Variants in CTNND2 observed in about 807,000 individuals in gnomAD.
CTNND2 encodes the protein catenin delta 2.
A neutral mutation model predicts 144.4 loss-of-function variants in CTNND2; 22 were observed. The ratio of observed to expected loss-of-function variants is 0.15; its 90% CI spans 0.11 to 0.22. The LOEUF (loss-of-function observed/expected upper bound fraction) is 0.22. Ranked by LOEUF, CTNND2 falls within the 10% of genes least tolerant of loss-of-function variation. The pLI, the probability that CTNND2 is intolerant of heterozygous loss-of-function variation, is 1.00. For missense variants in CTNND2, 1,353 were observed against 1,618.8 expected (o/e 0.84, Z 2.82); for synonymous variants, 751 against 695.6 (o/e 1.08, Z -1.25).
chr5:11,628,774 CA>C (rs879808880), intron 2 of CTNND2, among the ~76,000 whole-genome samples: 61 of 140,162 alleles, frequency 4.4e-4, no homozygotes, highest in Middle Eastern at 3.6e-3. Flanking sequence ...GGAAAGTGTC[CA>C]AAAAAAAAAA....
intron 2 of CTNND2, among the ~76,000 whole-genome samples, chr5:11,690,454 A>G (rs1784846155): frequency 3.3e-5 from 5 of 152,166 alleles, no homozygotes; most frequent in Admixed American, 3.3e-4. Flanking sequence ...TTCACCTACG[A>G]TATTAGAGGC....
intron 10 of CTNND2, among the ~76,000 whole-genome samples, chr5:11,206,243 G>T (rs981479930): frequency 6.6e-6 from 1 of 152,130 alleles, no homozygotes; most frequent in Non-Finnish European, 1.5e-5. Context: ...ACTGTGAGAC[G>T]AGCAGTGAAG....
chr5:11,094,480 C>CT (rs35048441), intron 15 of CTNND2, among the ~76,000 whole-genome samples: 10,129 of 127,828 alleles, frequency 0.079, 522 homozygotes, highest in Non-Finnish European at 0.099. Flanking sequence ...AGAGTTCTTG[C>CT]TTTTTTTTTT....
intron 1 of CTNND2, among the ~76,000 whole-genome samples, chr5:11,880,471 C>T (rs1056160156): frequency 4.0e-5 from 6 of 149,656 alleles, no homozygotes; most frequent in East Asian, 2.0e-4. Flanking sequence ...AAAGGCTCAA[C>T]TACTACTACA....
chr5:11,273,593 C>T (rs1746236333), intron 9 of CTNND2, among the ~76,000 whole-genome samples: 1 of 152,166 alleles, frequency 6.6e-6, no homozygotes, highest in Non-Finnish European at 1.5e-5. Flanking sequence ...CCTTCCATAT[C>T]ATGGGACCGT....
intron 9 of CTNND2, among the ~76,000 whole-genome samples, chr5:11,250,921 C>T (rs771898033): frequency 2.0e-5 from 3 of 152,010 alleles, no homozygotes; most frequent in Non-Finnish European, 4.4e-5. Flanking sequence ...TAGTTTTGTT[C>T]GTGCAAATAA....
intron 3 of CTNND2, among the ~76,000 whole-genome samples, chr5:11,486,475 G>A (rs181856867): frequency 3.9e-4 from 59 of 152,240 alleles, no homozygotes; most frequent in Middle Eastern, 3.4e-3. Context: ...AGTAACTATT[G>A]AAATGGAAAG....
At position 11,512,032 on chromosome 5, in the gene CTNND2, G is replaced by A. The variant is rs115324194; in HGVS notation, c.287+52912C>T. Among the ~76,000 whole-genome samples the A allele has an allele frequency of 1.4e-3, 214 of 152,052 alleles. 1 individual carries two copies. The highest frequency in any genetic ancestry group is 5.0e-3 in the African/African-American group (206 of 41,484). On this transcript the variant is annotated intron_variant, in intron 3 of 21. Transcript: ENST00000304623. ...GGGACAAAGACTCCTTTATTCATTC[G>A]AATTCATTCAAACAGAAACACAGAA...
chr5:11,304,044 C>T (rs563314044), intron 9 of CTNND2, among the ~76,000 whole-genome samples: 3 of 152,296 alleles, frequency 2.0e-5, no homozygotes, highest in Non-Finnish European at 2.9e-5. Context: ...TCACCTTCCA[C>T]CGTGATTGTG....
intron 17 of CTNND2, among the ~76,000 whole-genome samples, chr5:11,022,049 GA>G (rs1253351159): frequency 6.6e-6 from 1 of 152,124 alleles, no homozygotes; most frequent in African/African-American, 2.4e-5. Context: ...TAAAAACTAG[GA>G]GGCATTCTTA....
chr5:11,234,659 C>T (rs141544162), intron 10 of CTNND2, among the ~76,000 whole-genome samples: 1 of 152,302 alleles, frequency 6.6e-6, no homozygotes, highest in African/African-American at 2.4e-5. Flanking sequence ...ACTGAGAGGC[C>T]CCAAGGCTGG....
At chr5:11,473,492 GCAT>G (rs1383460310) in intron 3 of CTNND2, among the ~76,000 whole-genome samples, 21 of 152,276 alleles carry the variant, frequency 1.4e-4, no homozygotes, top group African/African-American at 3.6e-4. Flanking sequence ...AGATGCGGCA[GCAT>G]CATCAATGGT....
chr5:11,241,210 A>G (rs1204982215), intron 9 of CTNND2, among the ~76,000 whole-genome samples: 1 of 152,184 alleles, frequency 6.6e-6, no homozygotes, highest in Admixed American at 6.5e-5. Context: ...TGCTAACCTG[A>G]GCAGCCTTCT....
chr5:11,739,271 G>C (rs1328242476), intron 1 of CTNND2, among the ~76,000 whole-genome samples: 1 of 152,078 alleles, frequency 6.6e-6, no homozygotes, highest in African/African-American at 2.4e-5. Context: ...CAGATTACCA[G>C]GATAATTGGA....
intron 3 of CTNND2, among the ~76,000 whole-genome samples, chr5:11,481,540 T>C (rs1417425183): frequency 6.6e-6 from 1 of 152,002 alleles, no homozygotes; most frequent in African/African-American, 2.4e-5. Context: ...AAGGTCAAGG[T>C]TGCAGTGAGC....
chr5:11,144,912 A>G (rs1262386959), intron 12 of CTNND2, among the ~76,000 whole-genome samples: 1 of 152,110 alleles, frequency 6.6e-6, no homozygotes, highest in Non-Finnish European at 1.5e-5. Flanking sequence ...AGCTCCCAAG[A>G]CAGACTTTCA....
rs547494265 is a variant in CTNND2 at position 11,628,445 on chromosome 5, A to C, written c.175-63389T>G. Among the ~76,000 whole-genome samples the C allele has an allele frequency of 8.9e-4, 135 of 152,302 alleles. 1 individual carries two copies. Among genetic ancestry groups the C allele is most frequent in the African/African-American group, 3.2e-3 (131 of 41,570 alleles). ...CTGCATGTAAAAGATGAGGCAATTG[A>C]AACTCAGAGGGCAGAAGTAACCTGC... is the stretch of plus-strand genomic sequence containing the variant. On this transcript the variant is annotated intron_variant, in intron 2 of 21. Coordinates refer to ENST00000304623, the MANE Select transcript of CTNND2 (RefSeq NM_001332.4).
intron 10 of CTNND2, among the ~76,000 whole-genome samples, chr5:11,211,225 G>C (rs936890416): frequency 6.6e-6 from 1 of 152,200 alleles, no homozygotes; most frequent in Non-Finnish European, 1.5e-5. Flanking sequence ...CAAGGAGAGG[G>C]AGACCTGGAA....
At chr5:11,266,913 C>T (rs1340727245) in intron 9 of CTNND2, among the ~76,000 whole-genome samples, 1 of 152,172 alleles carries the variant, frequency 6.6e-6, no homozygotes. Context: ...GAGTCCAACT[C>T]TGTTGCCCAG....
Sources: gnomAD v4.1 joint callset for allele counts (sites outside exome capture counted in the v4.1 genomes callset) on GRCh38, gnomAD v4.1.1 for gene constraint, MANE v1.5 for transcripts, NCBI Gene and HGNC (gene_info 2026-07-23, HGNC 2026-07-21) for gene names.